Variants in SAMD12 observed in about 807,000 individuals in gnomAD.
SAMD12 encodes sterile alpha motif domain containing 12.
Under a neutral mutation model 15.0 loss-of-function variants are expected in SAMD12, and 9 were observed. The observed-to-expected ratio is 0.60, with a 90% CI of 0.36 to 1.05. SAMD12 has a LOEUF of 1.05. SAMD12 is among the 50% of genes least tolerant of loss of function. SAMD12 has a pLI of 0.01. For missense variants in SAMD12, 230 were observed against 234.2 expected, an observed-to-expected ratio of 0.98 and a Z score of 0.12; for synonymous variants, 86 against 90.1, an observed-to-expected ratio of 0.96 and a Z score of 0.25.
intron 2 of SAMD12, among the ~76,000 whole-genome samples, chr8:118,501,236 A>C (rs1482722819): frequency 6.6e-6 from 1 of 152,118 alleles, no homozygotes; most frequent in Non-Finnish European, 1.5e-5. Flanking sequence ...TTATTCTCTC[A>C]ATGTCTTGCT....
At chr8:118,563,850 C>T (rs1586821867) in intron 2 of SAMD12, among the ~76,000 whole-genome samples, 1 of 152,340 alleles carries the variant, frequency 6.6e-6, no homozygotes, top group East Asian at 1.9e-4. Flanking sequence ...CCAATGCACA[C>T]AAGCCTCTGC....
chr8:118,454,345 CTTACA>C (rs1382367141), intron 2 of SAMD12, among the ~76,000 whole-genome samples: 1 of 152,106 alleles, frequency 6.6e-6, no homozygotes, highest in Non-Finnish European at 1.5e-5. Context: ...TTTTTGATAT[CTTACA>C]TTTTTCCCCT....
At chr8:118,314,574 C>T (rs1366804533) in intron 4 of SAMD12, among the ~76,000 whole-genome samples, 1 of 152,182 alleles carries the variant, frequency 6.6e-6, no homozygotes, top group Non-Finnish European at 1.5e-5. Context: ...CCCCTGGCAA[C>T]CAATAATTTT....
chr8:118,166,589 T>C, the SAMD12 span, among the ~76,000 whole-genome samples: 2 of 152,214 alleles, frequency 1.3e-5, no homozygotes, highest in Admixed American at 6.5e-5. Context: ...TAAGTAAGCA[T>C]GGTTATTCAC....
At chr8:118,618,838 C>CA (rs34748614) in intron 1 of SAMD12, among the ~76,000 whole-genome samples, 63,817 of 118,578 alleles carry the variant, frequency 0.54, 17,003 homozygotes, top group Middle Eastern at 0.63. Flanking sequence ...GACTCCGTCT[C>CA]AAAAAAAAAA....
At chr8:118,392,694 G>T (rs1470225149) in intron 3 of SAMD12, among the ~76,000 whole-genome samples, 1 of 152,170 alleles carries the variant, frequency 6.6e-6, no homozygotes, top group East Asian at 1.9e-4. Context: ...TACGCAAATA[G>T]ACAAACTTTT....
intron 1 of SAMD12, among the ~76,000 whole-genome samples, chr8:118,594,644 G>A (rs138694342): frequency 2.0e-3 from 303 of 152,156 alleles, no homozygotes; most frequent in African/African-American, 6.1e-3. Context: ...GAAAGACTAC[G>A]AGAAAAAAAT....
At chr8:118,528,365 A>G (rs13269656) in intron 2 of SAMD12, among the ~76,000 whole-genome samples, 9,220 of 152,278 alleles carry the variant, frequency 0.061, 397 homozygotes, top group Middle Eastern at 0.14. Flanking sequence ...TGTGATTAAC[A>G]TTAAGCTGTC....
chr8:118,132,782 T>C, the SAMD12 span, among the ~76,000 whole-genome samples: 1 of 151,708 alleles, frequency 6.6e-6, no homozygotes, highest in Non-Finnish European at 1.5e-5. Context: ...TGGAGCTGAG[T>C]GCAGTTTTTA....
rs1038566236 is a variant in SAMD12, at chr8:118,258,970, T to C, written c.434-61238A>G. Among the ~76,000 whole-genome samples the C allele has an allele frequency of 2.0e-5, 3 of 152,194 alleles. No homozygotes were observed. The South Asian group carries it at 6.2e-4, about 32-fold the overall frequency. ...AGGGACTGTGGATTCTCATTTTAGA[T>C]GTGTTCTATGAAAAGCTGGCTGACC... On this transcript the variant is annotated intron_variant, in intron 4 of 4. Transcript: ENST00000409003.
At chr8:118,291,086 C>T (rs973811254) in intron 4 of SAMD12, 1 of 152,186 alleles carries the variant, frequency 6.6e-6, no homozygotes, top group Non-Finnish European at 1.5e-5. Flanking sequence ...GTGCCCAGTT[C>T]CTAGTACAAT....
intron 2 of SAMD12, among the ~76,000 whole-genome samples, chr8:118,466,335 T>C (rs1387826956): frequency 2.0e-5 from 3 of 152,220 alleles, no homozygotes; most frequent in African/African-American, 7.2e-5. Flanking sequence ...ACATGCACTA[T>C]ACTAAGACAC....
chr8:118,365,938 G>T (rs1283228660), intron 4 of SAMD12, among the ~76,000 whole-genome samples: 2 of 152,028 alleles, frequency 1.3e-5, no homozygotes, highest in African/African-American at 4.8e-5. Context: ...CATAATTAAT[G>T]ACCCCATTCA....
At chr8:118,481,369 T>A (rs1317016848) in intron 2 of SAMD12, among the ~76,000 whole-genome samples, 1 of 152,214 alleles carries the variant, frequency 6.6e-6, no homozygotes, top group Non-Finnish European at 1.5e-5. Flanking sequence ...CACCTAGCAG[T>A]GTTCTCAGCG....
chr8:118,523,757 A>G (rs1427197635), intron 2 of SAMD12, among the ~76,000 whole-genome samples: 3 of 152,072 alleles, frequency 2.0e-5, no homozygotes, highest in Non-Finnish European at 2.9e-5. Context: ...CCAATCACTC[A>G]TGGTCCCTTC....
At chr8:118,401,319 T>C (rs1014818734) in intron 3 of SAMD12, among the ~76,000 whole-genome samples, 1 of 152,170 alleles carries the variant, frequency 6.6e-6, no homozygotes, top group African/African-American at 2.4e-5. Flanking sequence ...AAAGCAATAG[T>C]CTTACTGGTT....
At chr8:118,207,620 C>T (rs890974743) in intron 4 of SAMD12, among the ~76,000 whole-genome samples, 1 of 152,146 alleles carries the variant, frequency 6.6e-6, no homozygotes, top group African/African-American at 2.4e-5. Flanking sequence ...CTTCTACACC[C>T]CATCTCTCTT....
chr8:118,402,329 A>G (rs1283343450), intron 3 of SAMD12, among the ~76,000 whole-genome samples: 4 of 152,238 alleles, frequency 2.6e-5, no homozygotes, highest in Non-Finnish European at 5.9e-5. Flanking sequence ...AAAAAAGAAC[A>G]TTTAAGGAGC....
At chr8:118,505,705 C>T (rs181832333) in intron 2 of SAMD12, among the ~76,000 whole-genome samples, 27 of 151,652 alleles carry the variant, frequency 1.8e-4, no homozygotes, top group African/African-American at 5.6e-4. Flanking sequence ...TCTCGTAAGA[C>T]GTTTAAGCCA....
Sources: gnomAD v4.1 joint callset for allele counts (sites outside exome capture counted in the v4.1 genomes callset) on GRCh38, gnomAD v4.1.1 for gene constraint, MANE v1.5 for transcripts, NCBI Gene and HGNC (gene_info 2026-07-23, HGNC 2026-07-21) for gene names.